Variants in USP15 observed in about 807,000 individuals in gnomAD.
The protein encoded by USP15 is ubiquitin specific peptidase 15.
In USP15, 18 loss-of-function variants were observed where a neutral mutation model predicts 127.1. That is an observed-to-expected ratio of 0.14 (90% CI 0.10 to 0.21). The LOEUF is 0.21. USP15 is among the 10% of genes least tolerant of loss of function. USP15 has a pLI of 1.00. For synonymous variants in USP15, 364 were observed against 393.7 expected (o/e 0.92, Z 0.89); for missense variants, 805 against 1,159.9 (o/e 0.69, Z 4.44).
At chr12:62,301,631 C>G (rs991575781) in intron 2 of USP15, among the ~76,000 whole-genome samples, 1 of 152,104 alleles carries the variant, frequency 6.6e-6, no homozygotes, top group African/African-American at 2.4e-5. Context: ...ATTGCAAATT[C>G]GTCTATAGTA....
chr12:62,414,315 C>T lies in USP15; in HGVS notation c.*9940C>T, dbSNP rs1006731126. 5 of 150,604 alleles carry T rather than the reference C, an allele frequency of 3.3e-5. No individual in the cohort carries two copies. The highest frequency in any genetic ancestry group is 5.9e-5 in the Non-Finnish European group (4 of 67,512). 9.3% of individuals were successfully genotyped at this position (150,604 alleles called of 1,614,324 possible). ...TTCAAAGCATGATAATAAAGTGAAGCAGAATAAAACAAGGTATGCCTGGTT... is the reference window on the plus strand; with the variant it reads ...TTCAAAGCATGATAATAAAGTGAAGTAGAATAAAACAAGGTATGCCTGGTT... On this transcript the variant is annotated 3_prime_UTR_variant, in exon 22 of 22. Coordinates refer to ENST00000280377, the MANE Select transcript of USP15 (RefSeq NM_001252078.2).
At chr12:62,284,717 G>A (rs1402103161) in intron 1 of USP15, among the ~76,000 whole-genome samples, 1 of 152,080 alleles carries the variant, frequency 6.6e-6, no homozygotes, top group African/African-American at 2.4e-5. Flanking sequence ...CTGGTTAAAT[G>A]TGGGAGAAAT....
chr12:62,391,890 A>G lies in USP15; in HGVS notation c.2304+4A>G. The G allele has an allele frequency of 6.2e-7, 1 of 1,605,484 alleles. No homozygotes were observed. Among genetic ancestry groups the G allele is most frequent in the Non-Finnish European group, 8.5e-7 (1 of 1,175,052 alleles). On this transcript the variant is annotated splice_donor_region_variant and intron_variant, in intron 17 of 21. Coordinates refer to ENST00000280377, the MANE Select transcript of USP15 (RefSeq NM_001252078.2). ...TTTTGATGAAAATGCTGCTGAGGTA[A>G]GTCATCACTCACTCACTTATTTACC...
Position 62,407,422 on chromosome 12 carries a change from T to C in USP15, c.*3047T>C, listed in dbSNP as rs185675335. The C allele has an allele frequency of 6.6e-6, 1 of 152,318 alleles. No homozygotes were observed. Among genetic ancestry groups the C allele is most frequent in the East Asian group, 1.9e-4 (1 of 5,190 alleles). 9.4% of individuals were successfully genotyped at this position (152,318 alleles called of 1,614,324 possible). On this transcript the variant is annotated 3_prime_UTR_variant, in exon 22 of 22. Transcript: ENST00000280377. ...TATGGGAAGAGCTTTGTAAACTTTA[T>C]TACACACTCACTGATTTCTTCAGTC...
At position 62,396,275 on chromosome 12, in the gene USP15, T is replaced by G; in HGVS notation, c.2571-20T>G. The G allele has an allele frequency of 6.5e-7, 1 of 1,547,804 alleles. No homozygotes were observed. The highest frequency in any genetic ancestry group is 8.7e-7 in the Non-Finnish European group (1 of 1,150,280). On this transcript the variant is annotated intron_variant, in intron 19 of 21. Transcript: ENST00000280377. ...ATTTAGGGACAACATAAAAATTAACTTGGTTTCTTTTTTAAACAGTGACTT... is the reference window on the plus strand; with the variant it reads ...ATTTAGGGACAACATAAAAATTAACGTGGTTTCTTTTTTAAACAGTGACTT...
Position 62,390,944 on chromosome 12 carries a change from A to C in USP15, c.1925A>C (p.Asn642Thr). 2.5e-6 allele frequency: 4 copies of C among 1,612,906 alleles called. No individual in the cohort carries two copies. Among genetic ancestry groups the C allele is most frequent in the Non-Finnish European group, 3.4e-6 (4 of 1,179,304 alleles). Residue 642 changes from asparagine to threonine, a missense_variant, in exon 15 of 22, where the codon AAT becomes ACT. Physicochemically the swap from Asn to Thr is moderately conservative, Grantham distance 65. Coordinates refer to ENST00000280377, the MANE Select transcript of USP15 (RefSeq NM_001252078.2). ...TGTAAGGACCAAAATATTAATGGGA[A>C]TGGCCCAAATGGCATACATGAAGAA... Reference protein sequence around the residue: ...HCCKDQNINGNGPNGIHEEGS... With the variant: ...HCCKDQNINGTGPNGIHEEGS...
intron 3 of USP15, among the ~76,000 whole-genome samples, chr12:62,308,183 C>T (rs1230062255): frequency 2.0e-5 from 3 of 151,940 alleles, no homozygotes; most frequent in South Asian, 2.1e-4. Context: ...TTATAGATGA[C>T]AAATTTCTGA....
intron 19 of USP15, among the ~76,000 whole-genome samples, chr12:62,394,434 G>C (rs2067419178): frequency 6.6e-6 from 1 of 152,056 alleles, no homozygotes; most frequent in Non-Finnish European, 1.5e-5. Flanking sequence ...CTAATTGGTG[G>C]CTATAAATTT....
At chr12:62,286,891 C>T (rs558227712) in intron 1 of USP15, among the ~76,000 whole-genome samples, 4 of 150,504 alleles carry the variant, frequency 2.7e-5, no homozygotes, top group Non-Finnish European at 4.4e-5. Context: ...GAGCTGAGAT[C>T]GCACCATTGC....
At chr12:62,384,376 G>A in intron 11 of USP15, 74 bp downstream of exon 11, 1 of 1,094,074 alleles carries the variant, frequency 9.1e-7, no homozygotes, top group Non-Finnish European at 1.3e-6. Context: ...AAAAATTAGT[G>A]TTGAGTCCTT....
At chr12:62,399,026 A>G (rs1360408258) in intron 20 of USP15, among the ~76,000 whole-genome samples, 1 of 152,070 alleles carries the variant, frequency 6.6e-6, no homozygotes, top group Non-Finnish European at 1.5e-5. Flanking sequence ...AGGTATTACA[A>G]GTGTTACTCT....
chr12:62,380,226 ATTT>A (rs1346449684), intron 8 of USP15, among the ~76,000 whole-genome samples: 3 of 151,642 alleles, frequency 2.0e-5, no homozygotes, highest in African/African-American at 7.2e-5. Flanking sequence ...AAATAATATT[ATTT>A]TTATTATATA....
intron 21 of USP15, among the ~76,000 whole-genome samples, chr12:62,403,474 C>G (rs941480339): frequency 6.6e-6 from 1 of 152,034 alleles, no homozygotes; most frequent in African/African-American, 2.4e-5. Flanking sequence ...AAAGGTCACC[C>G]ATTTCAGTTG....
In USP15 at chr12:62,411,051, T is replaced by C. The variant is rs1026736303; in HGVS notation, c.*6676T>C. 2 of 152,150 alleles carry C rather than the reference T, an allele frequency of 1.3e-5. No homozygotes were observed. Among genetic ancestry groups the C allele is most frequent in the Admixed American group, 6.6e-5 (1 of 15,254 alleles). 9.4% of individuals were successfully genotyped at this position (152,150 alleles called of 1,614,324 possible). A position where few individuals can be genotyped will look rare whatever the true frequency, so the allele number is the denominator to read the frequency against. ...GGTTCTCAGCAAGCCACACCTGAAT[T>C]CCTAACCCACAAAAACTGTGAGATA... is the stretch of plus-strand genomic sequence containing the variant. On this transcript the variant is annotated 3_prime_UTR_variant, in exon 22 of 22. Transcript: ENST00000280377.
chr12:62,339,357 C>G (rs938405876), intron 6 of USP15, among the ~76,000 whole-genome samples: 1 of 152,156 alleles, frequency 6.6e-6, no homozygotes, highest in Non-Finnish European at 1.5e-5. Context: ...TTGACTTCCT[C>G]TCTTCCTATT....
At chr12:62,381,727 A>T in intron 9 of USP15, 64 bp downstream of exon 9, 2 of 1,516,140 alleles carry the variant, frequency 1.3e-6, no homozygotes, top group Non-Finnish European at 1.8e-6. Context: ...GTTCTTGGGG[A>T]TAGGGGGAGT....
intron 8 of USP15, among the ~76,000 whole-genome samples, chr12:62,356,424 T>C (rs1403790770): frequency 6.6e-6 from 1 of 151,974 alleles, no homozygotes; most frequent in African/African-American, 2.4e-5. Context: ...AGTGAATCTT[T>C]TTGTACATCA....
rs138493130 is a variant in USP15, at chr12:62,320,412, A to G, written c.476-1052A>G. Among the ~76,000 whole-genome samples, 96 of 152,324 alleles carry G rather than the reference A, an allele frequency of 6.3e-4. No individual in the cohort carries two copies. In the East Asian group the frequency reaches 0.017, roughly 28 times the overall value. ...CCTAGCCATGCTTCTTGTACAGCCC[A>G]TGGAACTGTAAGTCAATTAAACCTC... On this transcript the variant is annotated intron_variant, in intron 4 of 21. Transcript: ENST00000280377.
At chr12:62,302,750 T>A (rs928866898) in intron 2 of USP15, 40 bp from the exon 3 acceptor site, 8 of 1,570,458 alleles carry the variant, frequency 5.1e-6, no homozygotes, top group Non-Finnish European at 6.9e-6. Flanking sequence ...CCAAACAAAG[T>A]ATTTAGAGTT....
Sources: gnomAD v4.1 joint callset for allele counts (sites outside exome capture counted in the v4.1 genomes callset) on GRCh38, gnomAD v4.1.1 for gene constraint, MANE v1.5 for transcripts, NCBI Gene and HGNC (gene_info 2026-07-23, HGNC 2026-07-21) for gene names.